The following LSM1 variants were observed in gnomAD, a reference collection of about 807,000 sequenced individuals.
LSM1 encodes U6 snRNA-associated Sm-like protein LSm1.
In LSM1, 13 loss-of-function variants were observed where a neutral mutation model predicts 18.0. That is an observed-to-expected ratio of 0.72 (90% CI 0.47 to 1.15). The LOEUF is 1.15. LSM1 is among the 50% of genes most tolerant of loss of function. The probability of loss-of-function intolerance (pLI) is 0.00; values close to 1 mark genes in which losing one functional copy is unlikely to be tolerated. For synonymous variants in LSM1, 46 were observed against 56.0 expected (o/e 0.82, Z 0.80); for missense variants, 152 against 157.7 (o/e 0.96, Z 0.19).
intron 1 of LSM1, 85 bp downstream of exon 1, chr8:38,176,190 A>G: frequency 8.3e-7 from 1 of 1,199,210 alleles, no homozygotes; most frequent in Non-Finnish European, 1.2e-6. Context: ...CCCGGGACTC[A>G]TTCTACAAGC....
chr8:38,169,761 T>C, intron 3 of LSM1, 41 bp downstream of exon 3: 5 of 1,160,812 alleles, frequency 4.3e-6, no homozygotes, highest in Non-Finnish European at 6.4e-6. Flanking sequence ...CTAACTAGCA[T>C]GAATATGAAG....
chr8:38,164,201 C>T (rs1369817744), intron 3 of LSM1, among the ~76,000 whole-genome samples: 2 of 152,114 alleles, frequency 1.3e-5, no homozygotes, highest in African/African-American at 2.4e-5. Flanking sequence ...ATTACAGGCA[C>T]GTGCCACCAC....
At chr8:38,169,061 T>G (rs944396694) in intron 3 of LSM1, among the ~76,000 whole-genome samples, 1 of 152,204 alleles carries the variant, frequency 6.6e-6, no homozygotes, top group South Asian at 2.1e-4. Flanking sequence ...AAGAAGACAG[T>G]GCTGGCTCAA....
At chr8:38,172,424 C>T (rs764989788) in intron 1 of LSM1, among the ~76,000 whole-genome samples, 7 of 151,168 alleles carry the variant, frequency 4.6e-5, no homozygotes, top group South Asian at 2.1e-4. Context: ...CAGGTTCAAG[C>T]GATCCTCCTG....
intron 3 of LSM1, among the ~76,000 whole-genome samples, chr8:38,168,328 T>C (rs1285762819): frequency 6.7e-6 from 1 of 148,752 alleles, no homozygotes; most frequent in African/African-American, 2.5e-5. Flanking sequence ...CGGTGGCTCA[T>C]GCCTGTAATC....
chr8:38,173,158 G>A (rs1429443165), intron 1 of LSM1, among the ~76,000 whole-genome samples: 1 of 152,132 alleles, frequency 6.6e-6, no homozygotes, highest in African/African-American at 2.4e-5. Context: ...TTCATTCCAT[G>A]CCTAAAGTAC....
At chr8:38,164,408 C>T (rs960090519) in intron 3 of LSM1, among the ~76,000 whole-genome samples, 22 of 148,192 alleles carry the variant, frequency 1.5e-4, no homozygotes, top group South Asian at 2.1e-4. Flanking sequence ...TCTATTAGTC[C>T]ACGATTAATT....
At chr8:38,172,450 T>A (rs985083449) in intron 1 of LSM1, among the ~76,000 whole-genome samples, 8 of 151,960 alleles carry the variant, frequency 5.3e-5, no homozygotes, top group African/African-American at 1.9e-4. Flanking sequence ...GCCTCCTTAG[T>A]AGCTGGGACT....
intron 2 of LSM1, 136 bp downstream of exon 2, chr8:38,171,829 G>T: frequency 1.5e-6 from 1 of 670,470 alleles, no homozygotes; most frequent in Non-Finnish European, 2.6e-6. Flanking sequence ...AAACAATGAT[G>T]TACTCACTAA....
chr8:38,172,054 C>A, intron 1 of LSM1, 21 bp from the exon 2 acceptor site: 3 of 1,572,308 alleles, frequency 1.9e-6, no homozygotes, highest in Non-Finnish European at 1.7e-6. Context: ...AGGAAAAAAT[C>A]TTTTAAATGA....
chr8:38,171,997 AGT>A lies in LSM1; in HGVS notation c.81_82del (p.Leu28TyrfsTer8). ...ATCAATGCTTCTTAAAAAGCCTATAAGTGTCCTTCCATCTCGAAGCAGAACCA... is the reference window on the plus strand; with the variant it reads ...ATCAATGCTTCTTAAAAAGCCTATAAGTCCTTCCATCTCGAAGCAGAACCA... On this transcript the variant is annotated frameshift_variant, in exon 2 of 4. Coordinates refer to ENST00000311351, the MANE Select transcript of LSM1 (RefSeq NM_014462.3). LOFTEE classifies it high-confidence loss of function. 6.2e-7 allele frequency: 1 copy of A among 1,612,604 alleles called. No homozygotes were observed. The highest frequency in any genetic ancestry group is 8.5e-7 in the Non-Finnish European group (1 of 1,179,574).
At chr8:38,176,571 C>T, upstream of LSM1, 1 of 574,894 alleles carries the variant, frequency 1.7e-6, no homozygotes, top group Non-Finnish European at 3.1e-6. Flanking sequence ...GACACCCTTT[C>T]CCTGTTCCTG....
chr8:38,171,887 C>A (rs1803035681), intron 2 of LSM1, 78 bp downstream of exon 2: 1 of 1,106,838 alleles, frequency 9.0e-7, no homozygotes, highest in Non-Finnish European at 1.3e-6. Flanking sequence ...AGATAAATTT[C>A]AATATTAAAT....
At chr8:38,176,690 C>A, upstream of LSM1, 1 of 756,956 alleles carries the variant, frequency 1.3e-6, no homozygotes, top group Non-Finnish European at 2.0e-6. Context: ...ACCCCAGAGT[C>A]ACTGACCTCC....
At chr8:38,170,870 T>G (rs1803015610) in intron 2 of LSM1, 1 of 263,558 alleles carries the variant, frequency 3.8e-6, no homozygotes, top group Non-Finnish European at 8.1e-6. Flanking sequence ...CAATTAGTAC[T>G]ACTTGTCCTA....
intron 3 of LSM1, among the ~76,000 whole-genome samples, chr8:38,167,535 G>T (rs1802955137): frequency 6.6e-6 from 1 of 152,044 alleles, no homozygotes. Context: ...GTAAAGACAG[G>T]GTTTGGCCAT....
At chr8:38,172,115 G>T in intron 1 of LSM1, 82 bp from the exon 2 acceptor site, 2 of 973,904 alleles carry the variant, frequency 2.1e-6, no homozygotes, top group Non-Finnish European at 3.2e-6. Flanking sequence ...AGTTTAAGCT[G>T]TACCACTTCC....
At chr8:38,171,904 A>T in intron 2 of LSM1, 61 bp downstream of exon 2, 1 of 1,283,150 alleles carries the variant, frequency 7.8e-7, no homozygotes, top group Non-Finnish European at 1.1e-6. Flanking sequence ...AAATAACAAA[A>T]AATGCAATGG....
Position 38,172,601 on chromosome 8 carries a change from C to T in LSM1, c.47-568G>A, listed in dbSNP as rs554155444. Reference sequence around the variant, plus strand: ...CCTCCCAAAGTGCTGGGATTACAGGCGTGAACCATGGCGCCTAGCCAAAGA... The same window carrying T: ...CCTCCCAAAGTGCTGGGATTACAGGTGTGAACCATGGCGCCTAGCCAAAGA... On this transcript the variant is annotated intron_variant, in intron 1 of 3. Coordinates refer to ENST00000311351, the MANE Select transcript of LSM1 (RefSeq NM_014462.3). Among the ~76,000 whole-genome samples, 11 of 152,246 alleles carry T rather than the reference C, an allele frequency of 7.2e-5. No individual in the cohort carries two copies. The East Asian group carries it at 1.4e-3, about 19-fold the overall frequency.
Sources: allele counts gnomAD v4.1 joint callset (sites outside exome capture counted in the v4.1 genomes callset), GRCh38; gene constraint gnomAD v4.1.1; transcripts MANE v1.5; gene names NCBI Gene and HGNC (gene_info 2026-07-23, HGNC 2026-07-21).